DHX38: variants seen among roughly 807,000 people sequenced by gnomAD.
DHX38 encodes the protein pre-mRNA-splicing factor ATP-dependent RNA helicase PRP16.
In DHX38, 100 loss-of-function variants were observed where a neutral mutation model predicts 153.1. The observed-to-expected ratio is 0.65, with a 90% CI of 0.56 to 0.77. The LOEUF (loss-of-function observed/expected upper bound fraction) is 0.77. DHX38 is among the 30% of genes least tolerant of loss of function. The probability of loss-of-function intolerance (pLI) is 0.00; values close to 1 mark genes in which losing one functional copy is unlikely to be tolerated. For synonymous variants in DHX38, 650 were observed against 631.7 expected (o/e 1.03, Z -0.43); for missense variants, 1,440 against 1,654.0 (o/e 0.87, Z 2.24).
Position 72,096,867 on chromosome 16 carries a change from T to C in DHX38, c.369T>C (p.Gly123=), listed in dbSNP as rs551943754. The C allele has an allele frequency of 3.7e-6, 6 of 1,613,774 alleles. No homozygotes were observed. Among genetic ancestry groups the C allele is most frequent in the South Asian group, 2.2e-5 (2 of 91,060 alleles). ...TAGAGACTCCATCCCATCCGGGTGG[T>C]GTGAGCGAAGAGTTTTGGGAACGCA... The part of the protein sequence containing the change: ...ARVETPSHPG[G]VSEEFWERSR... Residue 123 remains glycine (G), a synonymous_variant, in exon 3 of 27, where the codon GGT becomes GGC. Transcript: ENST00000268482.
chr16:72,111,859 C>T (rs1271856443), intron 26 of DHX38, among the ~76,000 whole-genome samples: 2 of 152,172 alleles, frequency 1.3e-5, no homozygotes, highest in African/African-American at 2.4e-5. Flanking sequence ...CCTCCAGTCC[C>T]CCCTCCTCCC....
intron 25 of DHX38, 37 bp downstream of exon 25, chr16:72,109,547 C>A: frequency 5.7e-6 from 9 of 1,580,468 alleles, no homozygotes; most frequent in Non-Finnish European, 7.7e-6. Flanking sequence ...GTGCTGTTTG[C>A]CTGTGGGGTC....
intron 18 of DHX38, 54 bp downstream of exon 18, chr16:72,105,678 C>T (rs1302530462): frequency 6.3e-7 from 1 of 1,584,174 alleles, no homozygotes; most frequent in South Asian, 1.1e-5. Context: ...GCTAACTTAG[C>T]TGCGGGGTGG....
Position 72,107,457 on chromosome 16 carries a change from G to A in DHX38, c.2718G>A (p.Leu906=). ...TCAAGTCCCTCGGGGTGCAGGACCT[G>A]CTGCAGTTCCACTTCATGGACCCGC... ...LLLKSLGVQD[L]LQFHFMDPPP... Residue 906 remains leucine (L), a synonymous_variant, in exon 20 of 27, where the codon CTG becomes CTA. Coordinates refer to ENST00000268482, the MANE Select transcript of DHX38 (RefSeq NM_014003.4). This position sits in a 1 kb window ranked among gnomAD's most constrained non-coding sequence, Gnocchi z 5.3. 1 of 1,614,186 alleles carries A rather than the reference G, an allele frequency of 6.2e-7. No individual in the cohort carries two copies. The highest frequency in any genetic ancestry group is 8.5e-7 in the Non-Finnish European group (1 of 1,180,040).
intron 7 of DHX38, 94 bp downstream of exon 7, chr16:72,099,374 C>T: frequency 3.4e-6 from 4 of 1,170,264 alleles, no homozygotes; most frequent in East Asian, 2.6e-5. Flanking sequence ...TGAGGGTACA[C>T]CTGAGCCCTG....
rs756673285 is a variant in DHX38 at position 72,107,381 on chromosome 16, C to T, written c.2642C>T (p.Thr881Ile). ...QSAYKNELLT[T>I]TVPEIQRTNL... ...GCCTACAAGAATGAGCTCCTGACCA[C>T]CACAGTGCCCGAGATCCAGAGGACT... The change falls in exon 20 of 27, where the codon ACC becomes ATC. Residue 881 changes from threonine (T) to isoleucine (I), a missense_variant. Around this residue, in one of 6 missense-constraint regions of DHX38, gnomAD observed 543 missense variants for 717.9 expected, o/e 0.76. Transcript: ENST00000268482. This position sits in a 1 kb window ranked among gnomAD's most constrained non-coding sequence, Gnocchi z 5.3. 3 of 1,613,376 alleles carry T rather than the reference C, an allele frequency of 1.9e-6. No homozygotes were observed. The Admixed American group carries it at 5.0e-5, about 27-fold the overall frequency.
At position 72,098,804 on chromosome 16, in the gene DHX38, G is replaced by A. The variant is rs1435858584; in HGVS notation, c.764+12G>A. The A allele has an allele frequency of 1.2e-6, 2 of 1,613,876 alleles. No homozygotes were observed. Among genetic ancestry groups the A allele is most frequent in the East Asian group, 2.2e-5 (1 of 44,876 alleles). On this transcript the variant is annotated intron_variant, in intron 5 of 26. Coordinates refer to ENST00000268482, the MANE Select transcript of DHX38 (RefSeq NM_014003.4). The stretch of plus-strand genomic sequence containing the variant: ...CGAGATCGAGACAGGTGATGTTCTG[G>A]GCAGAGCAGCCCAGTTTCGCTGGGT...
chr16:72,112,164 C>A (rs1488267242), intron 26 of DHX38: 4 of 562,002 alleles, frequency 7.1e-6, no homozygotes, highest in Non-Finnish European at 1.3e-5. Flanking sequence ...TGTAGCTCCC[C>A]TAGGGACTGT....
rs751140795 is a variant in DHX38 at position 72,096,837 on chromosome 16, T to G, written c.339T>G (p.Ala113=). Residue 113 remains alanine, a synonymous_variant, in exon 3 of 27, where the codon GCT becomes GCG. Transcript: ENST00000268482. ...CCTGTTTCAGACATTATCGGTCTGC[T>G]CGGGTAGAGACTCCATCCCATCCGG... ...NIRKDRHYRS[A]RVETPSHPGG... is the part of the protein sequence containing the mutation. 1.2e-6 allele frequency: 2 copies of G among 1,613,416 alleles called. No individual in the cohort carries two copies. Among genetic ancestry groups the G allele is most frequent in the Non-Finnish European group, 1.7e-6 (2 of 1,179,756 alleles).
chr16:72,101,014 A>C, intron 9 of DHX38, 72 bp from the exon 10 acceptor site: 1 of 1,445,800 alleles, frequency 6.9e-7, no homozygotes, highest in South Asian at 1.1e-5. Flanking sequence ...TCCCTTTCAC[A>C]AGTAGGGATC....
rs1043842043 is a variant in DHX38 at position 72,107,270 on chromosome 16, TG to T, written c.2601-67del. The stretch of plus-strand genomic sequence containing the variant: ...GAAATGAGAATTTCCTCCCTCCCTG[TG>T]GGATTTCATCTGTACTGGCTGCTGT... On this transcript the variant is annotated intron_variant, in intron 19 of 26. Coordinates refer to ENST00000268482, the MANE Select transcript of DHX38 (RefSeq NM_014003.4). The surrounding 1 kb of genome is among the most constrained non-coding windows in gnomAD (Gnocchi z 5.3). 3.4e-6 allele frequency: 5 copies of T among 1,465,156 alleles called. No individual in the cohort carries two copies. The African/African-American group carries it at 7.0e-5, about 21-fold the overall frequency. The allele number at this position is 1,465,156 out of a possible 1,614,324, so 90.8% of individuals were successfully genotyped here. A position where few individuals can be genotyped will look rare whatever the true frequency, so the allele number is the denominator to read the frequency against.
Position 72,098,727 on chromosome 16 carries a change from C to T in DHX38, c.699C>T (p.Pro233=). The change falls in exon 5 of 27, where the codon CCC becomes CCT. Residue 233 remains proline, a synonymous_variant. Coordinates refer to ENST00000268482, the MANE Select transcript of DHX38 (RefSeq NM_014003.4). ...CAAGGCGCTCACAGTGGGAATCGCC[C>T]TCCCCGACGCCTTCCTATCGGGATT... is the stretch of plus-strand genomic sequence containing the variant. ...GSSRRSQWES[P]SPTPSYRDSE... is the part of the protein sequence containing the mutation. The T allele has an allele frequency of 6.2e-7, 1 of 1,614,208 alleles. No homozygotes were observed. Among genetic ancestry groups the T allele is most frequent in the South Asian group, 1.1e-5 (1 of 91,084 alleles).
At chr16:72,102,200 C>T (rs1341796965) in intron 11 of DHX38, among the ~76,000 whole-genome samples, 1 of 152,186 alleles carries the variant, frequency 6.6e-6, no homozygotes, top group East Asian at 1.9e-4. Flanking sequence ...ACTGAACGGT[C>T]ATCTGAGTTA....
chr16:72,102,807 T>C (rs990768576), intron 11 of DHX38, among the ~76,000 whole-genome samples: 2 of 152,246 alleles, frequency 1.3e-5, no homozygotes, highest in Admixed American at 1.3e-4. Flanking sequence ...GAGGGTTTGC[T>C]AATATGGTGA....
chr16:72,096,886 G>C lies in DHX38; in HGVS notation c.388G>C (p.Glu130Gln). The stretch of plus-strand genomic sequence containing the variant: ...GGGTGGTGTGAGCGAAGAGTTTTGG[G>C]AACGCAGTCGGCAGAGAGAGCGGGA... ...HPGGVSEEFW[E>Q]RSRQRERERR... Residue 130 changes from glutamate (E) to glutamine (Q), a missense_variant, in exon 3 of 27, where the codon GAA becomes CAA. By Grantham distance (29) the Glu-to-Gln change is conservative. Transcript: ENST00000268482. 1.2e-6 allele frequency: 2 copies of C among 1,614,054 alleles called. No individual in the cohort carries two copies. The highest frequency in any genetic ancestry group is 2.2e-5 in the South Asian group (2 of 91,068).
Position 72,093,864 on chromosome 16 carries a change from G to A in DHX38, c.-207G>A, listed in dbSNP as rs1281031075. ...CGTTCCACACTTGGATCCAGGAATC[G>A]GGCGTGTTCCAGGCTGCTCTCTATG... On this transcript the variant is annotated 5_prime_UTR_variant, in exon 1 of 27. Coordinates refer to ENST00000268482, the MANE Select transcript of DHX38 (RefSeq NM_014003.4). 6.6e-6 allele frequency: 1 copy of A among 152,322 alleles called. No individual in the cohort carries two copies. The highest frequency in any genetic ancestry group is 2.1e-4 in the South Asian group (1 of 4,838). 9.4% of individuals were successfully genotyped at this position (152,322 alleles called of 1,614,324 possible). A position where few individuals can be genotyped will look rare whatever the true frequency, so the allele number is the denominator to read the frequency against.
Position 72,103,957 on chromosome 16 carries a change from C to G in DHX38, c.1836C>G (p.Ala612=). ...TCTCTGACCTCCAGGTGGGCTATGC[C>G]ATCCGCTTTGAAGACTGCACTTCAG... ...GGNLGEEVGY[A]IRFEDCTSEN... Residue 612 remains alanine, a synonymous_variant, in exon 14 of 27, where the codon GCC becomes GCG. Coordinates refer to ENST00000268482, the MANE Select transcript of DHX38 (RefSeq NM_014003.4). 6.2e-7 allele frequency: 1 copy of G among 1,614,058 alleles called. No homozygotes were observed. The highest frequency in any genetic ancestry group is 8.5e-7 in the Non-Finnish European group (1 of 1,179,950).
rs367635852 is a variant in DHX38 at position 72,105,643 on chromosome 16, G to T, written c.2487+19G>T. ...ATTAAAGGTAAGAGAAGACATGGGA[G>T]GCAAGGCCTGGGTGTTCACCAGAAG... On this transcript the variant is annotated intron_variant, in intron 18 of 26. Coordinates refer to ENST00000268482, the MANE Select transcript of DHX38 (RefSeq NM_014003.4). 141 of 1,612,288 alleles carry T rather than the reference G, an allele frequency of 8.7e-5. No individual in the cohort carries two copies. Among genetic ancestry groups the T allele is most frequent in the Non-Finnish European group, 1.1e-4 (134 of 1,178,450 alleles).
Position 72,096,385 on chromosome 16 carries a change from C to T in DHX38, c.228C>T (p.Val76=). Residue 76 remains valine, a synonymous_variant, in exon 2 of 27, where the codon GTC becomes GTT. Coordinates refer to ENST00000268482, the MANE Select transcript of DHX38 (RefSeq NM_014003.4). ...DDGEDKKKSK[V]SSYKDWEESK... ...GGGAGGACAAGAAGAAGTCCAAAGT[C>T]TCCTCCTACAAGGACTGGGAAGAGA... The T allele has an allele frequency of 1.2e-6, 2 of 1,614,184 alleles. No individual in the cohort carries two copies. Among genetic ancestry groups the T allele is most frequent in the South Asian group, 1.1e-5 (1 of 91,080 alleles).
Sources: gnomAD v4.1 joint callset for allele counts (sites outside exome capture counted in the v4.1 genomes callset) on GRCh38, gnomAD v4.1.1 for gene constraint, gnomAD v4.1.1 regional missense constraint, Gnocchi (gnomAD v3.1) non-coding constraint, MANE v1.5 for transcripts, NCBI Gene and HGNC (gene_info 2026-07-23, HGNC 2026-07-21) for gene names.